Variants in MAST2 observed in about 807,000 individuals in gnomAD.
MAST2 encodes the protein microtubule associated serine/threonine kinase 2, also known as microtubule-associated serine/threonine-protein kinase 2.
A neutral mutation model predicts 147.4 loss-of-function variants in MAST2; 70 were observed. The ratio of observed to expected loss-of-function variants is 0.47; its 90% confidence interval spans 0.39 to 0.58. MAST2 has a LOEUF of 0.58. Among genes scored for constraint, MAST2 ranks in the 20% least tolerant of loss-of-function variants. The probability of loss-of-function intolerance (pLI) is 0.00; values close to 1 mark genes in which losing one functional copy is unlikely to be tolerated. For missense variants in MAST2, 2,080 were observed against 2,302.3 expected (o/e 0.90, Z 1.98); for synonymous variants, 869 against 896.8 (o/e 0.97, Z 0.55).
chr1:45,824,939 G>A (rs1244138877), intron 2 of MAST2, among the ~76,000 whole-genome samples: 1 of 152,152 alleles, frequency 6.6e-6, no homozygotes, highest in Non-Finnish European at 1.5e-5. Context: ...TCAAAGAAAA[G>A]ACTTAAAAAA....
chr1:45,822,572 A>G (rs1006246272), intron 1 of MAST2, among the ~76,000 whole-genome samples: 1 of 152,160 alleles, frequency 6.6e-6, no homozygotes, highest in Non-Finnish European at 1.5e-5. Context: ...TTATTCATCC[A>G]TACAGTGTAG....
At chr1:45,982,437 G>A (rs555188647) in intron 5 of MAST2, among the ~76,000 whole-genome samples, 1 of 152,312 alleles carries the variant, frequency 6.6e-6, no homozygotes, top group Non-Finnish European at 1.5e-5. Context: ...GAGGCCGGGA[G>A]ATTGAGTTCA....
Position 46,035,071 on chromosome 1 carries a change from G to T in MAST2, c.4402G>T (p.Gly1468Trp). The part of the protein sequence containing the change: ...LSGKGALPGK[G>W]VLQPAPSRAL... The stretch of plus-strand genomic sequence containing the variant: ...TGGCAAGGGGGCCCTGCCAGGGAAG[G>T]GGGTGCTGCAGCCTGCTCCCTCACG... Residue 1468 changes from glycine to tryptophan, a missense_variant, in exon 29 of 29, where the codon GGG (glycine) becomes TGG (tryptophan). This residue lies in a region of MAST2 where 1,278 missense variants were observed against 1,304.2 expected (regional missense o/e 0.98). Coordinates refer to ENST00000361297, the MANE Select transcript of MAST2 (RefSeq NM_015112.3). The surrounding 1 kb of genome is among the most constrained non-coding windows in gnomAD (Gnocchi z 5.5). 6.2e-7 allele frequency: 1 copy of T among 1,613,804 alleles called. No individual in the cohort carries two copies. Among genetic ancestry groups the T allele is most frequent in the Non-Finnish European group, 8.5e-7 (1 of 1,179,964 alleles).
In MAST2 at chr1:45,937,751, C is replaced by CAAAA. The variant is rs34830747; in HGVS notation, c.501-21607_501-21604dup. ...TGGGAGACAGAGTGAAACTCCATCT[C>CAAAA]AAAAAAAAAAAAAAAAAAAAAAAAA... On this transcript the variant is annotated intron_variant, in intron 4 of 28. Transcript: ENST00000361297. Among the ~76,000 whole-genome samples the CAAAA allele has an allele frequency of 8.5e-4, 62 of 73,208 alleles. 2 individuals carry two copies. Among genetic ancestry groups the CAAAA allele is most frequent in the African/African-American group, 2.8e-3 (52 of 18,396 alleles). The allele number at this position is 73,208 out of a possible 152,430, so 48.0% of individuals were successfully genotyped here.
intron 3 of MAST2, among the ~76,000 whole-genome samples, chr1:45,865,535 A>C (rs1646117757): frequency 6.6e-6 from 1 of 152,108 alleles, no homozygotes; most frequent in Admixed American, 6.6e-5. Flanking sequence ...GATTCTATGC[A>C]TAGTTTTAAG....
intron 3 of MAST2, among the ~76,000 whole-genome samples, chr1:45,879,310 C>G (rs981004018): frequency 1.3e-5 from 2 of 152,088 alleles, no homozygotes; most frequent in African/African-American, 4.8e-5. Context: ...TGGTGGCTCA[C>G]GCCTGTAATC....
Position 46,031,305 on chromosome 1 carries a change from G to A in MAST2, c.2992+15G>A, listed in dbSNP as rs1299593143. The A allele has an allele frequency of 6.5e-7, 1 of 1,542,100 alleles. No homozygotes were observed. The highest frequency in any genetic ancestry group is 8.8e-7 in the Non-Finnish European group (1 of 1,140,808). On this transcript the variant is annotated intron_variant, in intron 23 of 28. Transcript: ENST00000361297. This position sits in a 1 kb window ranked among gnomAD's most constrained non-coding sequence, Gnocchi z 4.1. ...TTCCAGTCCAGGTATGGCCCAGTGGGCGGCCAAACGACCTAAGCTGGAGGA... is the reference window on the plus strand; with the variant it reads ...TTCCAGTCCAGGTATGGCCCAGTGGACGGCCAAACGACCTAAGCTGGAGGA...
chr1:45,908,046 T>C (rs1313650875), intron 4 of MAST2, among the ~76,000 whole-genome samples: 1 of 152,160 alleles, frequency 6.6e-6, no homozygotes. Context: ...TCTCTCCTTT[T>C]CTTCTTGATG....
Position 46,033,870 on chromosome 1 carries a change from G to T in MAST2, c.3606G>T (p.Arg1202=). Residue 1202 remains arginine, a synonymous_variant, in exon 27 of 29, where the codon CGG becomes CGT. Coordinates refer to ENST00000361297, the MANE Select transcript of MAST2 (RefSeq NM_015112.3). Reference sequence around the variant, plus strand: ...CATCCATTAAAGTGGGGCCAGCTCGGAAGGGCAGCTACAAGGCCAAGATGG... The same window carrying T: ...CATCCATTAAAGTGGGGCCAGCTCGTAAGGGCAGCTACAAGGCCAAGATGG... ...ENTSIKVGPA[R]KGSYKAKMAR... 6.2e-7 allele frequency: 1 copy of T among 1,614,204 alleles called. No individual in the cohort carries two copies. Among genetic ancestry groups the T allele is most frequent in the Non-Finnish European group, 8.5e-7 (1 of 1,180,030 alleles).
At position 46,035,424 on chromosome 1, in the gene MAST2, C is replaced by T. The variant is rs770510990; in HGVS notation, c.4755C>T (p.Ser1585=). 1.9e-6 allele frequency: 3 copies of T among 1,612,634 alleles called. No homozygotes were observed. In the South Asian group the frequency reaches 3.3e-5, roughly 18 times the overall value. ...SPSGPHRRLG[S]PQAIEEAASS... is the part of the protein sequence containing the mutation. ...GTGGTCCCCACAGGAGGCTCGGGAG[C>T]CCACAAGCCATTGAGGAGGCTGCCA... is the stretch of plus-strand genomic sequence containing the variant. The change falls in exon 29 of 29, where the codon AGC becomes AGT. Residue 1585 remains serine (S), a synonymous_variant. Coordinates refer to ENST00000361297, the MANE Select transcript of MAST2 (RefSeq NM_015112.3). This position sits in a 1 kb window ranked among gnomAD's most constrained non-coding sequence, Gnocchi z 5.5.
chr1:45,945,031 A>C (rs1183903649), intron 4 of MAST2, among the ~76,000 whole-genome samples: 1 of 152,132 alleles, frequency 6.6e-6, no homozygotes, highest in Admixed American at 6.6e-5. Context: ...GGCTCCTGCC[A>C]CAAGCCTTTG....
At chr1:45,879,572 C>CAAAAAAAA (rs56115997) in intron 3 of MAST2, among the ~76,000 whole-genome samples, 1 of 101,700 alleles carries the variant, frequency 9.8e-6, no homozygotes. Flanking sequence ...GACTCCATCT[C>CAAAAAAAA]AAAAAAAAAA....
chr1:45,891,340 T>A (rs943692734), intron 4 of MAST2, among the ~76,000 whole-genome samples: 18 of 152,012 alleles, frequency 1.2e-4, no homozygotes, highest in Non-Finnish European at 1.8e-4. Flanking sequence ...AAAGTTTTTT[T>A]AAAAAAATTA....
chr1:45,966,751 G>T (rs966470494), intron 5 of MAST2, among the ~76,000 whole-genome samples: 1 of 151,770 alleles, frequency 6.6e-6, no homozygotes. Flanking sequence ...CTCCCAGGCC[G>T]CCTTCCAAAG....
At position 45,904,234 on chromosome 1, in the gene MAST2, G is replaced by A. The variant is rs940894768; in HGVS notation, c.500+21839G>A. 9.3e-5 allele frequency among the ~76,000 whole-genome samples: 14 copies of A among 151,244 alleles called. No individual in the cohort carries two copies. In the East Asian group the frequency reaches 9.7e-4, roughly 11 times the overall value. ...GTCCCCCAGGCTGGAGTGTGATGGC[G>A]TGATCTCAGCTCACTGCCAACCTCT... On this transcript the variant is annotated intron_variant, in intron 4 of 28. Transcript: ENST00000361297.
intron 4 of MAST2, among the ~76,000 whole-genome samples, chr1:45,922,762 G>T (rs888054941): frequency 6.6e-6 from 1 of 152,270 alleles, no homozygotes; most frequent in Admixed American, 6.5e-5. Context: ...CTCGGAAGGG[G>T]TGGGGCTCCC....
intron 4 of MAST2, among the ~76,000 whole-genome samples, chr1:45,951,189 C>G (rs1333037150): frequency 6.6e-6 from 1 of 151,904 alleles, no homozygotes; most frequent in African/African-American, 2.4e-5. Context: ...CCATTGCACC[C>G]TAGCCTGGAT....
intron 4 of MAST2, among the ~76,000 whole-genome samples, chr1:45,919,793 T>G (rs1436427201): frequency 8.4e-4 from 126 of 149,924 alleles, no homozygotes; most frequent in South Asian, 1.7e-3. Context: ...AATTTCATGT[T>G]TTTTTTTTTT....
intron 4 of MAST2, among the ~76,000 whole-genome samples, chr1:45,914,242 C>T (rs1652113750): frequency 6.6e-6 from 1 of 152,192 alleles, no homozygotes; most frequent in Admixed American, 6.5e-5. Context: ...AAAAGTACCT[C>T]CTCCTTTGAC....
Sources: gnomAD v4.1 joint callset for allele counts (sites outside exome capture counted in the v4.1 genomes callset) on GRCh38, gnomAD v4.1.1 for gene constraint, gnomAD v4.1.1 regional missense constraint, Gnocchi (gnomAD v3.1) non-coding constraint, MANE v1.5 for transcripts, NCBI Gene and HGNC (gene_info 2026-07-23, HGNC 2026-07-21) for gene names.